MYO3B: variants seen among roughly 807,000 people sequenced by gnomAD.
MYO3B encodes the protein myosin-IIIb.
Under a neutral mutation model 174.6 loss-of-function variants are expected in MYO3B, and 156 were observed. That is an observed-to-expected ratio of 0.89 (90% confidence interval 0.78 to 1.02). The LOEUF (loss-of-function observed/expected upper bound fraction) is 1.02. Ranked by LOEUF, MYO3B falls within the 50% of genes least tolerant of loss-of-function variation. MYO3B has a pLI of 0.00. For missense variants in MYO3B, 1,632 were observed against 1,639.4 expected, an observed-to-expected ratio of 1.00 and a Z score of 0.08; for synonymous variants, 563 against 569.1, an observed-to-expected ratio of 0.99 and a Z score of 0.15.
At chr2:170,341,932 T>C (rs1326959282) in intron 8 of MYO3B, among the ~76,000 whole-genome samples, 3 of 152,192 alleles carry the variant, frequency 2.0e-5, no homozygotes, top group Non-Finnish European at 4.4e-5. Flanking sequence ...TCTCATAGTG[T>C]AAACCAGGAA....
chr2:170,648,695 T>TAATATGTAA (rs1452366438), intron 32 of MYO3B, among the ~76,000 whole-genome samples: 5 of 125,748 alleles, frequency 4.0e-5, no homozygotes, highest in East Asian at 2.2e-4. Flanking sequence ...ATATTCTATA[T>TAATATGTAA]AATATATATT....
intron 21 of MYO3B, 134 bp from the exon 22 acceptor site, chr2:170,407,581 T>TGCTCTGGATATGATA: frequency 1.5e-6 from 1 of 645,582 alleles, no homozygotes; most frequent in Non-Finnish European, 2.7e-6. Flanking sequence ...CTTTATCTGG[T>TGCTCTGGATATGATA]GCTCTGGATA....
rs1225224389 is a variant in MYO3B, at chr2:170,530,709, A to G, written c.3575+11169A>G. The stretch of plus-strand genomic sequence containing the variant: ...AGCAAGGATGTTATTCTCAGATCCA[A>G]CTGTGCTTTTTTCTCCAAGGGAGGG... On this transcript the variant is annotated intron_variant, in intron 30 of 34. Coordinates refer to ENST00000408978, the MANE Select transcript of MYO3B (RefSeq NM_138995.5). 2.6e-5 allele frequency among the ~76,000 whole-genome samples: 4 copies of G among 152,166 alleles called. No homozygotes were observed. The East Asian group carries it at 5.8e-4, about 22-fold the overall frequency.
chr2:170,392,331 A>G, intron 15 of MYO3B, 50 bp from the exon 16 acceptor site: 1 of 1,321,496 alleles, frequency 7.6e-7, no homozygotes, highest in Non-Finnish European at 1.1e-6. Flanking sequence ...TGCCTGTACT[A>G]CTTTCCAAGT....
intron 25 of MYO3B, among the ~76,000 whole-genome samples, chr2:170,476,865 A>G (rs1468772225): frequency 6.6e-6 from 1 of 151,754 alleles, no homozygotes; most frequent in African/African-American, 2.4e-5. Flanking sequence ...TCACTTTCCT[A>G]TGGTATATAA....
At chr2:170,537,447 G>GTTTTTTTTTTTTTTTT (rs1559095079) in intron 30 of MYO3B, among the ~76,000 whole-genome samples, 1 of 47,486 alleles carries the variant, frequency 2.1e-5, no homozygotes, top group East Asian at 8.6e-4. Flanking sequence ...AGAGCTCTTT[G>GTTTTTTTTTTTTTTTT]ATTTTTTTTT....
chr2:170,519,437 G>A lies in MYO3B; in HGVS notation c.3473-1G>A. On this transcript the variant is annotated splice_acceptor_variant, in intron 29 of 34. Coordinates refer to ENST00000408978, the MANE Select transcript of MYO3B (RefSeq NM_138995.5). LOFTEE classifies it high-confidence loss of function. ...CTTAGCCCTCCTTTCTTTTCTCTCA[G>A]TTCTCAGGGGCTCTGTACATCGTAG... The A allele has an allele frequency of 6.2e-7, 1 of 1,613,320 alleles. No individual in the cohort carries two copies. Among genetic ancestry groups the A allele is most frequent in the South Asian group, 1.1e-5 (1 of 91,040 alleles).
At chr2:170,641,615 C>T (rs1037769225) in intron 32 of MYO3B, among the ~76,000 whole-genome samples, 3 of 152,042 alleles carry the variant, frequency 2.0e-5, no homozygotes, top group Admixed American at 2.0e-4. Context: ...AAATACCATG[C>T]AAGCATTAGA....
At chr2:170,449,057 C>G (rs1683426675) in intron 23 of MYO3B, among the ~76,000 whole-genome samples, 1 of 152,122 alleles carries the variant, frequency 6.6e-6, no homozygotes, top group African/African-American at 2.4e-5. Context: ...CCTGCAAACA[C>G]CTTTATGAGT....
intron 32 of MYO3B, among the ~76,000 whole-genome samples, chr2:170,564,849 A>G (rs1447411479): frequency 1.3e-5 from 2 of 152,146 alleles, no homozygotes; most frequent in African/African-American, 2.4e-5. Flanking sequence ...TTATTATCAT[A>G]ATAACCTAAG....
chr2:170,628,060 A>G lies in MYO3B; in HGVS notation c.3734-23568A>G, dbSNP rs564459359. On this transcript the variant is annotated intron_variant, in intron 32 of 34. Coordinates refer to ENST00000408978, the MANE Select transcript of MYO3B (RefSeq NM_138995.5). ...CAAACTCTGTGCTGGGAGAACCACT[A>G]CTCTCTTCAAAGCTGTCAGACAGGG... Among the ~76,000 whole-genome samples the G allele has an allele frequency of 3.3e-5, 5 of 151,968 alleles. 1 individual carries two copies. Among genetic ancestry groups the G allele is most frequent in the East Asian group, 3.9e-4 (2 of 5,148 alleles).
intron 7 of MYO3B, among the ~76,000 whole-genome samples, chr2:170,249,797 A>G (rs1469544091): frequency 6.6e-6 from 1 of 152,210 alleles, no homozygotes; most frequent in Non-Finnish European, 1.5e-5. Flanking sequence ...AAGGTGCCTC[A>G]TTAGTGGTTA....
intron 8 of MYO3B, among the ~76,000 whole-genome samples, chr2:170,356,214 G>A (rs1375589656): frequency 6.6e-6 from 1 of 151,854 alleles, no homozygotes; most frequent in African/African-American, 2.4e-5. Flanking sequence ...GCCCACCTCG[G>A]CCTCCCAAAG....
At chr2:170,327,230 C>CA (rs1438689516) in intron 7 of MYO3B, among the ~76,000 whole-genome samples, 1 of 152,102 alleles carries the variant, frequency 6.6e-6, no homozygotes, top group Non-Finnish European at 1.5e-5. Flanking sequence ...ACTAAAAATA[C>CA]AAAAATTAGC....
chr2:170,320,403 C>T (rs552336198), intron 7 of MYO3B, among the ~76,000 whole-genome samples: 1 of 152,210 alleles, frequency 6.6e-6, no homozygotes, highest in East Asian at 1.9e-4. Context: ...GCATCACGTT[C>T]ATAAAGCAGA....
intron 32 of MYO3B, among the ~76,000 whole-genome samples, chr2:170,589,230 A>T (rs529380274): frequency 6.6e-6 from 1 of 152,336 alleles, no homozygotes; most frequent in South Asian, 2.1e-4. Flanking sequence ...GTTTTCGATA[A>T]TACAGAGGAT....
rs141901021 is a variant in MYO3B, at chr2:170,593,729, TTAAAA to T, written c.3733+49746_3733+49750del. Among the ~76,000 whole-genome samples the T allele has an allele frequency of 4.3e-4, 66 of 152,332 alleles. 1 individual carries two copies. In the East Asian group the frequency reaches 0.013, roughly 29 times the overall value. On this transcript the variant is annotated intron_variant, in intron 32 of 34. Coordinates refer to ENST00000408978, the MANE Select transcript of MYO3B (RefSeq NM_138995.5). ...AGTAATTAAAAGAGAACTGCACATC[TTAAAA>T]TAAATGAGCTCTATACACTTGAACA...
intron 6 of MYO3B, 140 bp downstream of exon 6, chr2:170,217,535 G>T: frequency 1.3e-6 from 1 of 754,924 alleles, no homozygotes. Flanking sequence ...AAGAGTACTA[G>T]TTTGGTCAGC....
intron 6 of MYO3B, among the ~76,000 whole-genome samples, chr2:170,224,795 A>G (rs999908462): frequency 5.3e-5 from 8 of 152,140 alleles, no homozygotes; most frequent in African/African-American, 1.9e-4. Flanking sequence ...AGAGAAACAG[A>G]TGTGCTGTGA....
Sources: gnomAD v4.1 joint callset for allele counts (sites outside exome capture counted in the v4.1 genomes callset) on GRCh38, gnomAD v4.1.1 for gene constraint, MANE v1.5 for transcripts, NCBI Gene and HGNC (gene_info 2026-07-23, HGNC 2026-07-21) for gene names.